LCTL: variants seen among roughly 807,000 people sequenced by gnomAD.
LCTL encodes lactase-like protein.
Under a neutral mutation model 75.8 loss-of-function variants are expected in LCTL, and 76 were observed. The ratio of observed to expected loss-of-function variants is 1.00; its 90% CI spans 0.83 to 1.21. The LOEUF (loss-of-function observed/expected upper bound fraction) is 1.21. Ranked by LOEUF, LCTL falls within the 50% of genes most tolerant of loss-of-function variation. The pLI, the probability that LCTL is intolerant of heterozygous loss-of-function variation, is 0.00. For synonymous variants in LCTL, 271 were observed against 268.8 expected, an observed-to-expected ratio of 1.01 and a Z score of -0.08; for missense variants, 670 against 712.4, an observed-to-expected ratio of 0.94 and a Z score of 0.68.
intron 11 of LCTL, 56 bp from the exon 13 acceptor site, chr15:66,550,160 C>A: frequency 9.4e-7 from 1 of 1,060,082 alleles, no homozygotes; most frequent in Middle Eastern, 2.1e-4. Context: ...TTTGCTGTTT[C>A]AAATCATTTT....
chr15:66,558,146 A>G lies in LCTL; in HGVS notation c.706-110T>C, dbSNP rs560736239. On this transcript the variant is annotated intron_variant, in intron 6 of 12. Transcript: ENST00000341509. Reference sequence around the variant, plus strand: ...AACTTTAGAGCTATTATTTTCATCAATCCAGCCTTGTTTATCCCGATCCAG... The same window carrying G: ...AACTTTAGAGCTATTATTTTCATCAGTCCAGCCTTGTTTATCCCGATCCAG... 2,899 of 888,186 alleles carry G rather than the reference A, an allele frequency of 3.3e-3. 14 individuals carry two copies. Among genetic ancestry groups the G allele is most frequent in the Non-Finnish European group, 4.3e-3 (2,578 of 600,842 alleles). 55.0% of individuals were successfully genotyped at this position (888,186 alleles called of 1,614,324 possible). A position where few individuals can be genotyped will look rare whatever the true frequency, so the allele number is the denominator to read the frequency against.
Position 66,552,024 on chromosome 15 carries a change from A to G in LCTL, c.1324+19T>C, listed in dbSNP as rs1895617581. The G allele has an allele frequency of 5.0e-6, 8 of 1,604,000 alleles. No homozygotes were observed. The highest frequency in any genetic ancestry group is 2.3e-5 in the South Asian group (2 of 88,522). The stretch of plus-strand genomic sequence containing the variant: ...CAGTTAAACGGGAAAACTGCAGACA[A>G]TCTTGGTTTGTGTCTCACCTTTTAG... On this transcript the variant is annotated intron_variant, in intron 10 of 12. Transcript: ENST00000341509.
chr15:66,550,008 A>T (rs1190249341), intron 12 of LCTL, 33 bp downstream of exon 13: 1 of 1,457,932 alleles, frequency 6.9e-7, no homozygotes, highest in Non-Finnish European at 9.3e-7. Flanking sequence ...TAGTTTAATT[A>T]TTAAAGGAAA....
chr15:66,557,678 T>A (rs762389687), intron 8 of LCTL, 44 bp downstream of exon 9: 1 of 1,590,400 alleles, frequency 6.3e-7, no homozygotes, highest in South Asian at 1.1e-5. Flanking sequence ...ATGGGCTCAA[T>A]AACTTGCCCT....
chr15:66,553,341 T>C, intron 8 of LCTL, 83 bp from the exon 10 acceptor site: 1 of 1,181,020 alleles, frequency 8.5e-7, no homozygotes, highest in South Asian at 1.9e-5. Context: ...TAGTGACATC[T>C]TGACATAAAC....
chr15:66,565,369 G>T (rs775220245), exon 1 of LCTL: 2 of 1,579,290 alleles, frequency 1.3e-6, no homozygotes, highest in African/African-American at 1.4e-5. Flanking sequence ...GCTTCATGGT[G>T]CCTGGCCCTC....
At chr15:66,555,546 T>TA (rs1040277810) in intron 8 of LCTL, among the ~76,000 whole-genome samples, 5 of 146,608 alleles carry the variant, frequency 3.4e-5, no homozygotes, top group African/African-American at 7.6e-5. Flanking sequence ...GTCTCAAAAA[T>TA]AAAAAAAAAG....
chr15:66,562,417 A>C (rs990179227), intron 4 of LCTL, among the ~76,000 whole-genome samples: 2 of 151,548 alleles, frequency 1.3e-5, no homozygotes, highest in Non-Finnish European at 2.9e-5. Flanking sequence ...AAAAAAAAAA[A>C]CAAAAGAAAG....
At chr15:66,563,974 G>T (rs1232865763) in exon 3 of LCTL, 1 of 1,613,984 alleles carries the variant, frequency 6.2e-7, no homozygotes, top group Non-Finnish European at 8.5e-7. Flanking sequence ...TTGACGTGCA[G>T]TTCCCTCAGC....
At chr15:66,557,018 T>G (rs908751274) in intron 8 of LCTL, among the ~76,000 whole-genome samples, 3 of 151,994 alleles carry the variant, frequency 2.0e-5, no homozygotes, top group Admixed American at 2.0e-4. Context: ...TGTCTTTGGG[T>G]GTTGACGTGT....
rs761680774 is a variant in LCTL, at chr15:66,564,845, G to C, written c.119-6C>G. 77 of 1,609,270 alleles carry C rather than the reference G, an allele frequency of 4.8e-5. No individual in the cohort carries two copies. The highest frequency in any genetic ancestry group is 6.3e-5 in the Non-Finnish European group (74 of 1,179,506). ...GCCCACGCCCCAGGAGAAGCCTGCA[G>C]GGGGAGACCCGTGCTGGGTCCCAGG... On this transcript the variant is annotated splice_region_variant and splice_polypyrimidine_tract_variant and intron_variant, in intron 1 of 12. Coordinates refer to ENST00000341509, the Ensembl canonical transcript of LCTL.
intron 12 of LCTL, 32 bp from the exon 14 acceptor site, chr15:66,548,637 T>A: frequency 8.9e-7 from 1 of 1,118,734 alleles, no homozygotes; most frequent in Non-Finnish European, 1.4e-6. Context: ...GCACCACAAA[T>A]GAGAACAGGA....
upstream of LCTL, chr15:66,565,926 C>G (rs943887915): frequency 3.3e-5 from 5 of 153,476 alleles, no homozygotes; most frequent in African/African-American, 4.8e-5. Context: ...CCAACTGACC[C>G]CCAGGGCCTA....
intron 4 of LCTL, among the ~76,000 whole-genome samples, 170 bp from the exon 6 acceptor site, chr15:66,561,485 A>G (rs1895888534): frequency 6.6e-6 from 1 of 152,222 alleles, no homozygotes; most frequent in Non-Finnish European, 1.5e-5. Context: ...AAAAATTGCC[A>G]GGGGAAAGGG....
intron 8 of LCTL, among the ~76,000 whole-genome samples, chr15:66,554,162 G>C (rs7402503): frequency 6.6e-6 from 1 of 151,896 alleles, no homozygotes; most frequent in African/African-American, 2.4e-5. Context: ...GTGGTGGTGC[G>C]TGCCTGTAAT....
intron 8 of LCTL, among the ~76,000 whole-genome samples, chr15:66,554,031 C>T (rs1017600911): frequency 6.6e-6 from 1 of 151,898 alleles, no homozygotes; most frequent in Non-Finnish European, 1.5e-5. Flanking sequence ...GTGGCTCAAA[C>T]CTGTAATTCC....
At chr15:66,554,821 A>G (rs1895703067) in intron 8 of LCTL, among the ~76,000 whole-genome samples, 1 of 152,190 alleles carries the variant, frequency 6.6e-6, no homozygotes, top group Non-Finnish European at 1.5e-5. Context: ...AGTGAAAAAA[A>G]AAGCTTCAGA....
intron 4 of LCTL, among the ~76,000 whole-genome samples, chr15:66,562,360 G>A (rs1231171651): frequency 6.7e-6 from 1 of 149,636 alleles, no homozygotes; most frequent in Admixed American, 6.7e-5. Context: ...CCGAGATCAT[G>A]CCACTGCACT....
rs1024107031 is a variant in LCTL, at chr15:66,564,729, C to T, written c.229G>A (p.Val77Met). Residue 77 changes from valine (V) to methionine (M), a missense_variant, in exon 2 of 13, where the codon GTG becomes ATG. By Grantham distance (21) the Val-to-Met change is conservative. Transcript: ENST00000341509. ...ACATCTGCCGTCTCATTCCCAAGCA[C>T]TTTCCCCTTCCCACTGTGTGTGAAG... The T allele has an allele frequency of 9.3e-6, 15 of 1,613,614 alleles. No homozygotes were observed. Among genetic ancestry groups the T allele is most frequent in the Non-Finnish European group, 1.3e-5 (15 of 1,180,028 alleles).
Sources: gnomAD v4.1 joint callset for allele counts (sites outside exome capture counted in the v4.1 genomes callset) on GRCh38, gnomAD v4.1.1 for gene constraint, MANE v1.5 for transcripts, NCBI Gene and HGNC (gene_info 2026-07-23, HGNC 2026-07-21) for gene names.